NBAS: variants seen among roughly 807,000 people sequenced by gnomAD.
NBAS encodes NAG/BC035112 fusion.
NBAS carries 219 observed loss-of-function variants against 302.5 expected under a neutral mutation model. The ratio of observed to expected loss-of-function variants is 0.72; its 90% CI spans 0.65 to 0.81. NBAS has a LOEUF of 0.81. Among genes scored for constraint, NBAS ranks in the 30% least tolerant of loss-of-function variants. The pLI is 0.00. For missense variants in NBAS, 2,932 were observed against 2,841.6 expected (o/e 1.03, Z -0.72); for synonymous variants, 1,118 against 1,021.6 (o/e 1.09, Z -1.80).
chr2:15,027,834 G>T, the NBAS span, among the ~76,000 whole-genome samples: 1 of 151,588 alleles, frequency 6.6e-6, no homozygotes, highest in Non-Finnish European at 1.5e-5. Flanking sequence ...CTATTTTTTT[G>T]AGTTGGTATA....
Position 15,460,709 on chromosome 2 carries a change from G to A in NBAS, c.2339+492C>T, listed in dbSNP as rs148467471. On this transcript the variant is annotated intron_variant, in intron 21 of 51. Coordinates refer to ENST00000281513, the MANE Select transcript of NBAS (RefSeq NM_015909.4). ...GCCCCAACCCAATTATCAAATCACC[G>A]TGAATTAAGAGGAGGATAATTAGTC... Among the ~76,000 whole-genome samples, 22 of 152,216 alleles carry A rather than the reference G, an allele frequency of 1.4e-4. 1 individual carries two copies. In the South Asian group the frequency reaches 1.5e-3, roughly 10 times the overall value.
At chr2:15,236,024 A>G (rs1314358990) in intron 45 of NBAS, among the ~76,000 whole-genome samples, 1 of 152,170 alleles carries the variant, frequency 6.6e-6, no homozygotes, top group Non-Finnish European at 1.5e-5. Flanking sequence ...TCTGAACTAT[A>G]AAAGGGATAA....
At chr2:15,019,927 C>G in the NBAS span, among the ~76,000 whole-genome samples, 1 of 152,196 alleles carries the variant, frequency 6.6e-6, no homozygotes, top group Non-Finnish European at 1.5e-5. Flanking sequence ...TGTTTGCAAA[C>G]CACCAACTCT....
chr2:15,447,656 C>G (rs1416361227), intron 21 of NBAS, among the ~76,000 whole-genome samples: 1 of 152,150 alleles, frequency 6.6e-6, no homozygotes, highest in Non-Finnish European at 1.5e-5. Context: ...AAAACCTCAA[C>G]TTCATTTGAT....
chr2:15,444,125 A>C (rs1302547814), intron 21 of NBAS, among the ~76,000 whole-genome samples: 2 of 151,910 alleles, frequency 1.3e-5, no homozygotes, highest in African/African-American at 4.8e-5. Flanking sequence ...GCTACCAATG[A>C]CTTTCTTCAC....
At chr2:15,312,895 A>C (rs897054471) in intron 38 of NBAS, among the ~76,000 whole-genome samples, 1 of 152,180 alleles carries the variant, frequency 6.6e-6, no homozygotes, top group Non-Finnish European at 1.5e-5. Context: ...TCACTGCCAC[A>C]AACTCTAGGC....
chr2:14,953,854 G>T, the NBAS span, among the ~76,000 whole-genome samples: 1 of 152,204 alleles, frequency 6.6e-6, no homozygotes, highest in Admixed American at 6.5e-5. Flanking sequence ...TTATAAAAAG[G>T]CAGATGCCTC....
chr2:15,290,892 T>C (rs1670277706), intron 41 of NBAS, among the ~76,000 whole-genome samples: 3 of 152,190 alleles, frequency 2.0e-5, no homozygotes, highest in Non-Finnish European at 4.4e-5. Context: ...TAATTTTGGG[T>C]GTAGAAGAAG....
the NBAS span, among the ~76,000 whole-genome samples, chr2:14,974,778 CT>C: frequency 6.6e-6 from 1 of 152,162 alleles, no homozygotes; most frequent in South Asian, 2.1e-4. Flanking sequence ...TCCCTGGAAC[CT>C]GTGAATATGG....
chr2:15,068,998 T>G, the NBAS span, among the ~76,000 whole-genome samples: 1 of 152,132 alleles, frequency 6.6e-6, no homozygotes, highest in Admixed American at 6.5e-5. Flanking sequence ...GGGCTTAGCA[T>G]GTCCCTCTGA....
chr2:15,363,201 T>C (rs984542611), intron 32 of NBAS, among the ~76,000 whole-genome samples: 1 of 152,346 alleles, frequency 6.6e-6, no homozygotes, highest in Non-Finnish European at 1.5e-5. Context: ...TGACTGCCTA[T>C]GGATTTCAGA....
chr2:15,538,369 T>C (rs1477561548), intron 7 of NBAS: 4 of 421,406 alleles, frequency 9.5e-6, no homozygotes, highest in African/African-American at 5.6e-5. Context: ...TCTCCACTCA[T>C]TATTTCTGAA....
At chr2:15,483,484 C>G (rs10201564) in intron 12 of NBAS, 142,171 of 226,832 alleles carry the variant, frequency 0.63, 45,922 homozygotes, top group Non-Finnish European at 0.68. Flanking sequence ...AAAATTAAGG[C>G]CGAAAATGAG....
chr2:15,030,968 C>A, the NBAS span, among the ~76,000 whole-genome samples: 1 of 152,204 alleles, frequency 6.6e-6, no homozygotes, highest in African/African-American at 2.4e-5. Flanking sequence ...TCCTAGGAAT[C>A]TGACCGTGTT....
intron 11 of NBAS, among the ~76,000 whole-genome samples, chr2:15,501,676 G>A (rs936025712): frequency 5.0e-5 from 7 of 140,166 alleles, no homozygotes; most frequent in Middle Eastern, 4.3e-3. Flanking sequence ...TGCAAGCTCC[G>A]CCTCCCGGTT....
chr2:15,090,886 T>C, the NBAS span, among the ~76,000 whole-genome samples: 1 of 152,154 alleles, frequency 6.6e-6, no homozygotes. Context: ...AGCAGTCTTA[T>C]CGTGAAGAGA....
chr2:15,198,443 T>G lies in NBAS; in HGVS notation c.6433-8040A>C, dbSNP rs1048884944. Among the ~76,000 whole-genome samples, 13 of 151,832 alleles carry G rather than the reference T, an allele frequency of 8.6e-5. 1 individual carries two copies. The highest frequency in any genetic ancestry group is 5.9e-4 in the Admixed American group (9 of 15,248). ...GAAAGGATCTGAGGGAAGAGTAGCA[T>G]TTGGACATGTAGAGGTAAGGGAAAA... On this transcript the variant is annotated intron_variant, in intron 48 of 51. Coordinates refer to ENST00000281513, the MANE Select transcript of NBAS (RefSeq NM_015909.4).
intron 9 of NBAS, among the ~76,000 whole-genome samples, chr2:15,516,744 G>T (rs899062458): frequency 7.2e-6 from 1 of 138,842 alleles, no homozygotes; most frequent in South Asian, 2.4e-4. Context: ...AAAAAAAAAA[G>T]ACTGGGAGAA....
At chr2:15,180,215 T>G (rs1664755663) in intron 50 of NBAS, 1 of 152,246 alleles carries the variant, frequency 6.6e-6, no homozygotes, top group Non-Finnish European at 1.5e-5. Flanking sequence ...AAAGTTCTCT[T>G]GGGAATTCTG....
Sources: gnomAD v4.1 joint callset for allele counts (sites outside exome capture counted in the v4.1 genomes callset) on GRCh38, gnomAD v4.1.1 for gene constraint, MANE v1.5 for transcripts, NCBI Gene and HGNC (gene_info 2026-07-23, HGNC 2026-07-21) for gene names.